TMEM135: variants seen among roughly 807,000 people sequenced by gnomAD.
The protein encoded by TMEM135 is transmembrane protein 135, also known as peroxisomal membrane protein 52.
In TMEM135, 30 loss-of-function variants were observed where a neutral mutation model predicts 60.3. The ratio of observed to expected loss-of-function variants is 0.50; its 90% CI spans 0.37 to 0.68. The LOEUF is 0.68. Among genes scored for constraint, TMEM135 ranks in the 30% least tolerant of loss-of-function variants. TMEM135 has a pLI of 0.00. For synonymous variants in TMEM135, 190 were observed against 186.7 expected, an observed-to-expected ratio of 1.02 and a Z score of -0.14; for missense variants, 468 against 548.8, an observed-to-expected ratio of 0.85 and a Z score of 1.47.
At chr11:87,200,377 C>T (rs1201227592) in intron 5 of TMEM135, among the ~76,000 whole-genome samples, 2 of 152,290 alleles carry the variant, frequency 1.3e-5, no homozygotes, top group East Asian at 3.9e-4. Context: ...AATGATTTCT[C>T]TGTAAAGTAT....
At chr11:87,253,071 T>C (rs917772187) in intron 6 of TMEM135, among the ~76,000 whole-genome samples, 1 of 151,946 alleles carries the variant, frequency 6.6e-6, no homozygotes, top group African/African-American at 2.4e-5. Flanking sequence ...ATACAAAGCT[T>C]ATTACACCAA....
chr11:87,212,989 A>G (rs535971143), intron 5 of TMEM135, among the ~76,000 whole-genome samples: 9 of 152,288 alleles, frequency 5.9e-5, no homozygotes, highest in Non-Finnish European at 1.0e-4. Flanking sequence ...ACTACATAAT[A>G]GTCATACTTT....
chr11:87,209,818 C>A (rs1030831748), intron 5 of TMEM135, among the ~76,000 whole-genome samples: 2 of 152,102 alleles, frequency 1.3e-5, no homozygotes, highest in Non-Finnish European at 2.9e-5. Flanking sequence ...AAACACCAAC[C>A]ACATTATTGG....
intron 4 of TMEM135, among the ~76,000 whole-genome samples, chr11:87,118,415 T>C (rs1465515283): frequency 1.3e-5 from 2 of 152,070 alleles, no homozygotes; most frequent in Non-Finnish European, 1.5e-5. Context: ...TCATCAACAA[T>C]CTTGGCTAGA....
intron 5 of TMEM135, among the ~76,000 whole-genome samples, chr11:87,231,422 T>C (rs531205844): frequency 2.6e-5 from 4 of 152,348 alleles, no homozygotes; most frequent in Non-Finnish European, 5.9e-5. Context: ...CATAATGTTT[T>C]ACCTTAGTAA....
intron 4 of TMEM135, among the ~76,000 whole-genome samples, chr11:87,099,743 C>T (rs558568347): frequency 5.9e-5 from 8 of 134,692 alleles, no homozygotes; most frequent in East Asian, 4.6e-4. Flanking sequence ...AGTGCAGTGG[C>T]GTGATCTTGG....
At chr11:87,246,806 T>G (rs147406831) in intron 6 of TMEM135, among the ~76,000 whole-genome samples, 24,671 of 103,742 alleles carry the variant, frequency 0.24, 4,473 homozygotes, top group Middle Eastern at 0.37. Flanking sequence ...AATTTCCTCC[T>G]GTAGCTCAGA....
At chr11:87,143,980 T>A (rs2135249102) in intron 4 of TMEM135, among the ~76,000 whole-genome samples, 1 of 152,298 alleles carries the variant, frequency 6.6e-6, no homozygotes, top group South Asian at 2.1e-4. Flanking sequence ...TCCAATATTG[T>A]TTTAAATACT....
intron 8 of TMEM135, 129 bp downstream of exon 8, chr11:87,302,571 A>C (rs1251562962): frequency 1.7e-6 from 2 of 1,203,322 alleles, no homozygotes; most frequent in Non-Finnish European, 1.2e-6. Context: ...CTGTGCATAG[A>C]ATTTTATAAA....
intron 4 of TMEM135, among the ~76,000 whole-genome samples, chr11:87,154,994 TA>T (rs1938652997): frequency 1.5e-5 from 1 of 65,396 alleles, no homozygotes; most frequent in African/African-American, 6.2e-5. Flanking sequence ...CAGTTTTATT[TA>T]TTTATTTATT....
chr11:87,077,148 A>G (rs1351296825), intron 3 of TMEM135, among the ~76,000 whole-genome samples: 1 of 152,196 alleles, frequency 6.6e-6, no homozygotes, highest in Non-Finnish European at 1.5e-5. Flanking sequence ...CATTTTCATC[A>G]ATTCCTGTCT....
intron 1 of TMEM135, among the ~76,000 whole-genome samples, chr11:87,043,054 C>T (rs1317034176): frequency 6.7e-6 from 1 of 150,332 alleles, no homozygotes; most frequent in Non-Finnish European, 1.5e-5. Flanking sequence ...CTCCCAGGTT[C>T]AAGCCATTCT....
chr11:87,207,066 T>A (rs902796838), intron 5 of TMEM135, among the ~76,000 whole-genome samples: 3 of 152,216 alleles, frequency 2.0e-5, no homozygotes, highest in Admixed American at 6.5e-5. Context: ...GCTACTACTA[T>A]AATCAGATAT....
chr11:87,227,512 T>TAAAAA (rs989364558), intron 5 of TMEM135, among the ~76,000 whole-genome samples: 2 of 150,948 alleles, frequency 1.3e-5, no homozygotes, highest in African/African-American at 2.4e-5. Context: ...AATAGAAACA[T>TAAAAA]AAAAAAAAAT....
At chr11:87,162,104 AAAG>A (rs1938896342) in intron 5 of TMEM135, among the ~76,000 whole-genome samples, 2 of 152,208 alleles carry the variant, frequency 1.3e-5, no homozygotes, top group African/African-American at 4.8e-5. Flanking sequence ...ATATGGATTA[AAAG>A]CTCAGGTAAT....
chr11:87,088,651 G>C (rs993207712), intron 3 of TMEM135, among the ~76,000 whole-genome samples: 1 of 152,160 alleles, frequency 6.6e-6, no homozygotes, highest in Non-Finnish European at 1.5e-5. Context: ...TGATATTCAT[G>C]AACATTTCAG....
At chr11:87,282,792 C>T (rs937247009) in intron 6 of TMEM135, among the ~76,000 whole-genome samples, 8 of 152,150 alleles carry the variant, frequency 5.3e-5, no homozygotes, top group Admixed American at 6.5e-5. Flanking sequence ...ATCACTTAAC[C>T]TCCTTGGGCC....
At chr11:87,151,511 A>T (rs1489804081) in intron 4 of TMEM135, among the ~76,000 whole-genome samples, 1 of 152,088 alleles carries the variant, frequency 6.6e-6, no homozygotes, top group Non-Finnish European at 1.5e-5. Flanking sequence ...TGTTAAAGGA[A>T]TTCCTTAAAT....
chr11:87,316,333 T>A lies in TMEM135; in HGVS notation c.1077+1786T>A, dbSNP rs570319668. On this transcript the variant is annotated intron_variant, in intron 12 of 14. Coordinates refer to ENST00000305494, the MANE Select transcript of TMEM135 (RefSeq NM_022918.4). ...GAGAAAGAGAGAGAGATTGAGAGAA[T>A]ATATACATCATGAAATCAGGAGGAC... 2.0e-5 allele frequency among the ~76,000 whole-genome samples: 3 copies of A among 151,638 alleles called. No individual in the cohort carries two copies. The South Asian group carries it at 6.2e-4, about 31-fold the overall frequency.
Sources: allele counts gnomAD v4.1 joint callset (sites outside exome capture counted in the v4.1 genomes callset), GRCh38; gene constraint gnomAD v4.1.1; transcripts MANE v1.5; gene names NCBI Gene and HGNC (gene_info 2026-07-23, HGNC 2026-07-21).